SCEL: variants seen among roughly 807,000 people sequenced by gnomAD.
The protein encoded by SCEL is sciellin.
A neutral mutation model predicts 117.6 loss-of-function variants in SCEL; 113 were observed. The observed-to-expected ratio is 0.96, with a 90% confidence interval of 0.83 to 1.12. The LOEUF (loss-of-function observed/expected upper bound fraction) is 1.12. Ranked by LOEUF, SCEL falls within the 50% of genes most tolerant of loss-of-function variation. The pLI, the probability that SCEL is intolerant of heterozygous loss-of-function variation, is 0.00. For synonymous variants in SCEL, 270 were observed against 256.2 expected (o/e 1.05, Z -0.51); for missense variants, 785 against 810.8 (o/e 0.97, Z 0.39).
Position 77,634,365 on chromosome 13 carries a change from G to A in SCEL, c.1692-14G>A. 6.2e-7 allele frequency: 1 copy of A among 1,609,002 alleles called. No individual in the cohort carries two copies. The highest frequency in any genetic ancestry group is 8.5e-7 in the Non-Finnish European group (1 of 1,175,692). On this transcript the variant is annotated splice_polypyrimidine_tract_variant and intron_variant, in intron 28 of 32. Transcript: ENST00000349847. ...ATAAACTTTAATCATGAAGTAAAAT[G>A]ATTTGTTTTGCAGCTCTAACACTGG...
chr13:77,641,520 C>A (rs1436466862), intron 31 of SCEL, among the ~76,000 whole-genome samples: 16 of 152,140 alleles, frequency 1.1e-4, no homozygotes, highest in Admixed American at 1.0e-3. Flanking sequence ...GTTGACTAGA[C>A]CAGTGGATCT....
chr13:77,542,947 G>A (rs1234350789), intron 1 of SCEL, among the ~76,000 whole-genome samples: 1 of 152,098 alleles, frequency 6.6e-6, no homozygotes, highest in Non-Finnish European at 1.5e-5. Context: ...AGTAGTGGTG[G>A]GGTTGGCACT....
intron 29 of SCEL, among the ~76,000 whole-genome samples, chr13:77,635,829 C>T (rs1324576887): frequency 6.6e-6 from 1 of 151,994 alleles, no homozygotes; most frequent in Non-Finnish European, 1.5e-5. Flanking sequence ...AGTCTCTGGG[C>T]CAGCATCATC....
At chr13:77,617,774 C>A in intron 25 of SCEL, 29 bp from the exon 26 acceptor site, 1 of 1,571,998 alleles carries the variant, frequency 6.4e-7, no homozygotes, top group Non-Finnish European at 8.7e-7. Flanking sequence ...CAAAATTAAC[C>A]TGCTCTCATT....
chr13:77,560,296 G>A (rs1034656175), intron 4 of SCEL, among the ~76,000 whole-genome samples: 1 of 151,042 alleles, frequency 6.6e-6, no homozygotes, highest in South Asian at 2.1e-4. Flanking sequence ...TAATTAGCTA[G>A]GTGTGATGGT....
chr13:77,618,146 C>A, intron 27 of SCEL, 86 bp downstream of exon 27: 1 of 979,502 alleles, frequency 1.0e-6, no homozygotes, highest in Non-Finnish European at 1.7e-6. Flanking sequence ...GCCTCCCTCC[C>A]TTCCTCCCTT....
chr13:77,627,111 T>C (rs955031833), intron 27 of SCEL, among the ~76,000 whole-genome samples: 6 of 152,216 alleles, frequency 3.9e-5, no homozygotes, highest in Non-Finnish European at 5.9e-5. Flanking sequence ...TATTCAAATT[T>C]TGTGTTGATT....
intron 1 of SCEL, among the ~76,000 whole-genome samples, chr13:77,551,774 A>G (rs928190292): frequency 6.6e-6 from 1 of 151,824 alleles, no homozygotes; most frequent in African/African-American, 2.4e-5. Flanking sequence ...TACATGTGCC[A>G]TGCTGGTGTG....
chr13:77,553,793 A>C (rs567762408), intron 1 of SCEL, among the ~76,000 whole-genome samples: 1 of 151,952 alleles, frequency 6.6e-6, no homozygotes, highest in African/African-American at 2.4e-5. Flanking sequence ...GACACTTTAC[A>C]TATGTTATCT....
intron 18 of SCEL, among the ~76,000 whole-genome samples, chr13:77,603,963 T>G (rs2087918763): frequency 6.6e-6 from 1 of 152,186 alleles, no homozygotes; most frequent in Non-Finnish European, 1.5e-5. Flanking sequence ...AATAGGCAAT[T>G]GTATCCAGTT....
chr13:77,545,449 C>A (rs1028092179), intron 1 of SCEL, among the ~76,000 whole-genome samples: 8 of 152,026 alleles, frequency 5.3e-5, no homozygotes, highest in African/African-American at 1.9e-4. Context: ...ATCCCTAATC[C>A]ATTCCACAAA....
At chr13:77,603,801 A>G (rs1211401136) in intron 18 of SCEL, among the ~76,000 whole-genome samples, 4 of 152,012 alleles carry the variant, frequency 2.6e-5, no homozygotes, top group Non-Finnish European at 5.9e-5. Context: ...TCCATGATCT[A>G]CTCTGAAGGA....
chr13:77,611,294 G>A (rs1483828539), intron 22 of SCEL, among the ~76,000 whole-genome samples: 1 of 152,192 alleles, frequency 6.6e-6, no homozygotes, highest in Non-Finnish European at 1.5e-5. Flanking sequence ...CTGCAAGTTG[G>A]ATTTAGCTTG....
At chr13:77,606,668 A>G (rs1315435000) in intron 19 of SCEL, 1 of 152,182 alleles carries the variant, frequency 6.6e-6, no homozygotes, top group Non-Finnish European at 1.5e-5. Context: ...CAAAGTAATT[A>G]TTGCTACTTT....
At chr13:77,619,720 G>A (rs778084231) in intron 27 of SCEL, among the ~76,000 whole-genome samples, 1 of 152,188 alleles carries the variant, frequency 6.6e-6, no homozygotes, top group Non-Finnish European at 1.5e-5. Context: ...TTTCTTTATA[G>A]TGGCATTTGT....
intron 3 of SCEL, among the ~76,000 whole-genome samples, chr13:77,558,868 A>G (rs893582733): frequency 1.3e-5 from 2 of 150,010 alleles, no homozygotes; most frequent in East Asian, 2.0e-4. Context: ...TAATGTTAGT[A>G]GAGCATAACC....
chr13:77,603,932 T>C (rs2087915400), intron 18 of SCEL, among the ~76,000 whole-genome samples: 1 of 152,232 alleles, frequency 6.6e-6, no homozygotes, highest in South Asian at 2.1e-4. Context: ...TTCTCAACAT[T>C]ATTCTTACTA....
chr13:77,586,627 T>G (rs528434068), intron 9 of SCEL, among the ~76,000 whole-genome samples: 1 of 152,276 alleles, frequency 6.6e-6, no homozygotes, highest in East Asian at 1.9e-4. Context: ...TCTCAGTCTA[T>G]TCTGTTCCTC....
chr13:77,637,112 G>T lies in SCEL; in HGVS notation c.1764-8G>T. 6.8e-7 allele frequency: 1 copy of T among 1,461,598 alleles called. No homozygotes were observed. The allele number at this position is 1,461,598 out of a possible 1,614,324, so 90.5% of individuals were successfully genotyped here. ...TGATTCTCACATGTCCATATATTTT[G>T]TTCCTAGTAAATCACCCAAGGATGG... On this transcript the variant is annotated splice_polypyrimidine_tract_variant and splice_region_variant and intron_variant, in intron 29 of 32. Coordinates refer to ENST00000349847, the MANE Select transcript of SCEL (RefSeq NM_144777.3).
Sources: gnomAD v4.1 joint callset for allele counts (sites outside exome capture counted in the v4.1 genomes callset) on GRCh38, gnomAD v4.1.1 for gene constraint, MANE v1.5 for transcripts, NCBI Gene and HGNC (gene_info 2026-07-23, HGNC 2026-07-21) for gene names.